RNF6: variants seen among roughly 807,000 people sequenced by gnomAD.
RNF6 encodes the protein E3 ubiquitin-protein ligase RNF6.
In RNF6, 21 loss-of-function variants were observed where a neutral mutation model predicts 50.1. That is an observed-to-expected ratio of 0.42 (90% CI 0.30 to 0.60). The LOEUF (loss-of-function observed/expected upper bound fraction) is 0.60, where lower values mean the gene tolerates loss of function less well. RNF6 is among the 20% of genes least tolerant of loss of function. RNF6 has a pLI of 0.20. For synonymous variants in RNF6, 255 were observed against 291.8 expected, an observed-to-expected ratio of 0.87 and a Z score of 1.29; for missense variants, 698 against 838.2, an observed-to-expected ratio of 0.83 and a Z score of 2.07.
At chr13:26,204,791 G>A (rs936540163) in intron 5 of RNF6, among the ~76,000 whole-genome samples, 1 of 152,098 alleles carries the variant, frequency 6.6e-6, no homozygotes, top group African/African-American at 2.4e-5. Context: ...GAAATGCCTG[G>A]CATGGTATTC....
At chr13:26,187,559 G>A (rs1370174922) in intron 5 of RNF6, among the ~76,000 whole-genome samples, 1 of 152,180 alleles carries the variant, frequency 6.6e-6, no homozygotes, top group Non-Finnish European at 1.5e-5. Flanking sequence ...CCTCCCCAGG[G>A]ATTAGGCCAA....
At chr13:26,134,663 T>C (rs917065651) in intron 5 of RNF6, among the ~76,000 whole-genome samples, 4 of 152,058 alleles carry the variant, frequency 2.6e-5, no homozygotes, top group Admixed American at 2.0e-4. Context: ...ACTTTCAGAG[T>C]CTTCGTAGGT....
Position 26,219,495 on chromosome 13 carries a change from T to C in RNF6, c.155A>G (p.Tyr52Cys). The stretch of plus-strand genomic sequence containing the variant: ...AAGATTATGGTCTCTCATAAGCCGA[T>C]AATCTTCATCATTGAGTTCATTAAT... ...QFINELNDED[Y>C]RLMRDHNLLG... Residue 52 changes from tyrosine (Y) to cysteine (C), a missense_variant, in exon 3 of 5, where the codon TAT becomes TGT. Coordinates refer to ENST00000381588, the MANE Select transcript of RNF6 (RefSeq NM_005977.4). 6.2e-7 allele frequency: 1 copy of C among 1,613,958 alleles called. No homozygotes were observed. Among genetic ancestry groups the C allele is most frequent in the Non-Finnish European group, 8.5e-7 (1 of 1,179,898 alleles).
At chr13:26,183,902 A>ATATCT (rs1555317779) in intron 5 of RNF6, among the ~76,000 whole-genome samples, 1 of 144,608 alleles carries the variant, frequency 6.9e-6, no homozygotes, top group African/African-American at 2.5e-5. Context: ...ATACTTATTT[A>ATATCT]TATATGTAAT....
At chr13:26,171,228 C>T (rs759219195) in intron 5 of RNF6, among the ~76,000 whole-genome samples, 12 of 152,012 alleles carry the variant, frequency 7.9e-5, no homozygotes, top group East Asian at 1.9e-4. Context: ...AATGGGGAAA[C>T]GACTTGAATA....
intron 5 of RNF6, among the ~76,000 whole-genome samples, chr13:26,188,461 A>G (rs1873657784): frequency 6.6e-6 from 1 of 152,102 alleles, no homozygotes; most frequent in Non-Finnish European, 1.5e-5. Context: ...GTCTGGCTGA[A>G]TTTACATTTT....
intron 5 of RNF6, among the ~76,000 whole-genome samples, chr13:26,180,020 C>T (rs1873160733): frequency 6.6e-6 from 1 of 152,082 alleles, no homozygotes; most frequent in Non-Finnish European, 1.5e-5. Flanking sequence ...CGCTTGTGTC[C>T]CTATAAGCCT....
chr13:26,207,027 T>G (rs1241068104), intron 5 of RNF6, among the ~76,000 whole-genome samples: 2 of 152,212 alleles, frequency 1.3e-5, no homozygotes, highest in Non-Finnish European at 2.9e-5. Context: ...AATTAAAACA[T>G]TTTCATGGGA....
chr13:26,164,952 C>T (rs778093466), intron 5 of RNF6, among the ~76,000 whole-genome samples: 51 of 152,124 alleles, frequency 3.4e-4, no homozygotes, highest in Admixed American at 3.3e-3. Context: ...CAGAAATTTG[C>T]ATAAGTGACA....
chr13:26,206,947 A>C (rs1869133799), intron 5 of RNF6, among the ~76,000 whole-genome samples: 1 of 152,102 alleles, frequency 6.6e-6, no homozygotes, highest in Admixed American at 6.5e-5. Flanking sequence ...TTTATTTTAC[A>C]ATTGTGTTGG....
chr13:26,163,243 C>T (rs1028297235), intron 5 of RNF6, among the ~76,000 whole-genome samples: 1 of 151,536 alleles, frequency 6.6e-6, no homozygotes, highest in Non-Finnish European at 1.5e-5. Context: ...ACCCGGGAGG[C>T]GGAGCTTGCA....
At chr13:26,167,019 G>A (rs1246841436) in intron 5 of RNF6, among the ~76,000 whole-genome samples, 1 of 152,084 alleles carries the variant, frequency 6.6e-6, no homozygotes, top group Non-Finnish European at 1.5e-5. Context: ...CCCAGTCTTG[G>A]GTATGTCTTT....
At chr13:26,163,067 T>A (rs1872285625) in intron 5 of RNF6, among the ~76,000 whole-genome samples, 1 of 151,990 alleles carries the variant, frequency 6.6e-6, no homozygotes, top group Non-Finnish European at 1.5e-5. Flanking sequence ...TCCCAGCACT[T>A]TGGGAGGCTG....
At chr13:26,152,284 A>G (rs575732337) in intron 5 of RNF6, among the ~76,000 whole-genome samples, 2 of 152,330 alleles carry the variant, frequency 1.3e-5, no homozygotes, top group South Asian at 4.1e-4. Context: ...CTTGGTTCCT[A>G]GTTCTCTCCA....
intron 5 of RNF6, among the ~76,000 whole-genome samples, chr13:26,188,821 G>T (rs1040576523): frequency 6.6e-6 from 1 of 151,340 alleles, no homozygotes; most frequent in African/African-American, 2.4e-5. Context: ...GTAGAGATGA[G>T]GTTTCAACAT....
At position 26,159,798 on chromosome 13, in the gene RNF6, C is replaced by T. The variant is rs1872112515; in HGVS notation, n.769-27347G>A. Among the ~76,000 whole-genome samples the T allele has an allele frequency of 2.0e-5, 3 of 152,074 alleles. No homozygotes were observed. In the South Asian group the frequency reaches 6.2e-4, roughly 32 times the overall value. ...CAAACTCCAAAATTTGGTAAAGCAA[C>T]ACTCATGACACCCAGAAAATCCAAA... is the stretch of plus-strand genomic sequence containing the variant. On this transcript the variant is annotated intron_variant and non_coding_transcript_variant, in intron 5 of 5. Transcript: ENST00000468480.
At chr13:26,192,578 A>G (rs74040404) in intron 5 of RNF6, among the ~76,000 whole-genome samples, 5,318 of 152,260 alleles carry the variant, frequency 0.035, 290 homozygotes, top group African/African-American at 0.12. Context: ...ATTATGTGAT[A>G]TTTTTACATC....
At position 26,214,737 on chromosome 13, in the gene RNF6, TCTC is replaced by T. The variant is rs780163288; in HGVS notation, c.1142_1144del (p.Gly381del). On this transcript the variant is annotated inframe_deletion, in exon 5 of 5. Transcript: ENST00000381588. Reference sequence around the variant, plus strand: ...AGCAGTTGAGGATCTGCTGGATTCTTCTCCTTCTTCTACTGTTATTCTTGACAC... The same window carrying T: ...AGCAGTTGAGGATCTGCTGGATTCTTCTTCTTCTACTGTTATTCTTGACAC... 4.3e-6 allele frequency: 7 copies of T among 1,614,174 alleles called. No individual in the cohort carries two copies. The highest frequency in any genetic ancestry group is 4.0e-5 in the African/African-American group (3 of 75,036).
In RNF6 at chr13:26,171,691, CAAT is replaced by C. The variant is rs373293007; in HGVS notation, n.769-39243_769-39241del. Among the ~76,000 whole-genome samples, 38 of 152,254 alleles carry C rather than the reference CAAT, an allele frequency of 2.5e-4. No individual in the cohort carries two copies. In the East Asian group the frequency reaches 3.1e-3, roughly 12 times the overall value. ...ATGGATGAAATGTGGTACAAAAATA[CAAT>C]GAGATATGATTCAGTCTTAAAAAGG... On this transcript the variant is annotated intron_variant and non_coding_transcript_variant, in intron 5 of 5. Coordinates refer to the RNF6 transcript ENST00000468480.
Sources: allele counts gnomAD v4.1 joint callset (sites outside exome capture counted in the v4.1 genomes callset), GRCh38; gene constraint gnomAD v4.1.1; transcripts MANE v1.5; gene names NCBI Gene and HGNC (gene_info 2026-07-23, HGNC 2026-07-21).